ADGRL2: variants seen among roughly 807,000 people sequenced by gnomAD.
ADGRL2 encodes calcium-independent alpha-latrotoxin receptor 2.
ADGRL2 carries 44 observed loss-of-function variants against 157.4 expected under a neutral mutation model. The ratio of observed to expected loss-of-function variants is 0.28; its 90% CI spans 0.22 to 0.36. ADGRL2 has a LOEUF of 0.36. Ranked by LOEUF, ADGRL2 falls within the 10% of genes least tolerant of loss-of-function variation. The pLI is 1.00. For missense variants in ADGRL2, 1,510 were observed against 1,768.9 expected (o/e 0.85, Z 2.63); for synonymous variants, 585 against 624.7 (o/e 0.94, Z 0.95).
At chr1:81,360,158 G>C (rs973328546) in intron 1 of ADGRL2, among the ~76,000 whole-genome samples, 1 of 151,924 alleles carries the variant, frequency 6.6e-6, no homozygotes, top group African/African-American at 2.4e-5. Flanking sequence ...TATTGGAAAA[G>C]CTTCCATTTT....
chr1:81,590,699 A>G (rs577733159), intron 3 of ADGRL2, among the ~76,000 whole-genome samples: 1 of 152,236 alleles, frequency 6.6e-6, no homozygotes, highest in South Asian at 2.1e-4. Flanking sequence ...TCCATAATAA[A>G]CCCATTTTTG....
At chr1:81,475,073 G>C (rs2078245149) in intron 2 of ADGRL2, among the ~76,000 whole-genome samples, 2 of 152,088 alleles carry the variant, frequency 1.3e-5, no homozygotes, top group Admixed American at 1.3e-4. Context: ...CAAGTCTTTA[G>C]CCTTCTATTT....
At chr1:81,972,639 G>A (rs1029236099) in intron 17 of ADGRL2, among the ~76,000 whole-genome samples, 1 of 152,034 alleles carries the variant, frequency 6.6e-6, no homozygotes, top group African/African-American at 2.4e-5. Context: ...GCCTGGACAT[G>A]GTGGCTCACA....
chr1:81,681,236 C>A (rs1437308432), intron 3 of ADGRL2, among the ~76,000 whole-genome samples: 1 of 152,194 alleles, frequency 6.6e-6, no homozygotes, highest in African/African-American at 2.4e-5. Flanking sequence ...AGCTTGAGAA[C>A]CTGCAGAAGG....
chr1:81,465,693 G>C (rs1393189964), intron 2 of ADGRL2, among the ~76,000 whole-genome samples: 1 of 152,134 alleles, frequency 6.6e-6, no homozygotes. Flanking sequence ...ACTGAACTTA[G>C]AGAAATGTTG....
At chr1:81,756,356 G>T (rs376002983) in intron 1 of ADGRL2, among the ~76,000 whole-genome samples, 12 of 151,930 alleles carry the variant, frequency 7.9e-5, no homozygotes, top group Non-Finnish European at 1.5e-4. Flanking sequence ...CACTGAATAT[G>T]CATTTTCTTA....
At chr1:81,754,638 T>C (rs1265210969) in intron 1 of ADGRL2, among the ~76,000 whole-genome samples, 1 of 149,738 alleles carries the variant, frequency 6.7e-6, no homozygotes, top group Non-Finnish European at 1.5e-5. Flanking sequence ...TTTCTTCTTT[T>C]CCTTTCCTTT....
intron 1 of ADGRL2, among the ~76,000 whole-genome samples, chr1:81,339,806 G>A (rs1276642579): frequency 6.6e-6 from 1 of 152,158 alleles, no homozygotes; most frequent in Non-Finnish European, 1.5e-5. Context: ...TACCTGGAAT[G>A]TCTTTCTTTC....
chr1:81,684,699 C>T (rs954411548), intron 3 of ADGRL2, among the ~76,000 whole-genome samples: 1 of 152,142 alleles, frequency 6.6e-6, no homozygotes, highest in African/African-American at 2.4e-5. Flanking sequence ...GTCATTAAAT[C>T]CTTGCCTAAG....
At chr1:81,315,086 A>G (rs1660013256) in intron 1 of ADGRL2, among the ~76,000 whole-genome samples, 1 of 152,198 alleles carries the variant, frequency 6.6e-6, no homozygotes, top group South Asian at 2.1e-4. Flanking sequence ...TAGATTATGC[A>G]CATCTTTAGT....
intron 3 of ADGRL2, among the ~76,000 whole-genome samples, chr1:81,595,417 C>T (rs1223497147): frequency 6.6e-6 from 1 of 152,138 alleles, no homozygotes; most frequent in African/African-American, 2.4e-5. Context: ...TTTTGCAGGA[C>T]ATAAGTTGTG....
intron 2 of ADGRL2, among the ~76,000 whole-genome samples, chr1:81,576,339 T>G (rs2080797352): frequency 6.6e-6 from 1 of 152,180 alleles, no homozygotes; most frequent in Non-Finnish European, 1.5e-5. Context: ...CTTTTCTTCT[T>G]TCTCTCTTTA....
chr1:81,338,766 A>G (rs1425886753), intron 1 of ADGRL2, among the ~76,000 whole-genome samples: 2 of 152,178 alleles, frequency 1.3e-5, no homozygotes, highest in East Asian at 3.9e-4. Flanking sequence ...AGGTAATGCC[A>G]CTGGAGTAAT....
intron 1 of ADGRL2, among the ~76,000 whole-genome samples, chr1:81,412,452 T>C (rs1189386785): frequency 6.6e-6 from 1 of 152,234 alleles, no homozygotes; most frequent in Non-Finnish European, 1.5e-5. Flanking sequence ...ACTTTAATGT[T>C]AGCTTCCCCA....
At chr1:81,787,360 C>T (rs1571221007) in intron 2 of ADGRL2, among the ~76,000 whole-genome samples, 1 of 151,970 alleles carries the variant, frequency 6.6e-6, no homozygotes, top group Non-Finnish European at 1.5e-5. Flanking sequence ...ACTAACTGAA[C>T]AAGTCACATA....
At position 81,979,960 on chromosome 1, in the gene ADGRL2, A is replaced by G. The variant is rs765173389; in HGVS notation, c.3113A>G (p.Lys1038Arg). 2 of 1,563,272 alleles carry G rather than the reference A, an allele frequency of 1.3e-6. No individual in the cohort carries two copies. The highest frequency in any genetic ancestry group is 2.2e-5 in the South Asian group (2 of 89,800). Residue 1038 changes from lysine to arginine, a missense_variant and splice_region_variant, in exon 18 of 24, where the codon AAG becomes AGG. Coordinates refer to ENST00000686636, the MANE Select transcript of ADGRL2 (RefSeq NM_001366006.2). ...KPDSSRLENI[K>R]SWVLGAFALL... ...GATTCTAGCAGGTTGGAAAACATTA[A>G]GTAAGTATTTTGTATTTTAATTTTA...
rs2077900713 is a variant in ADGRL2 at position 81,460,340 on chromosome 1, T to C, written c.-248+15251T>C. ...AGAATATTATTTTGTGTCTATTATATATCATACCACATAACTAAAGTAGAT... is the reference window on the plus strand; with the variant it reads ...AGAATATTATTTTGTGTCTATTATACATCATACCACATAACTAAAGTAGAT... On this transcript the variant is annotated intron_variant, in intron 2 of 24. Transcript: ENST00000370721. Among the ~76,000 whole-genome samples, 4 of 152,104 alleles carry C rather than the reference T, an allele frequency of 2.6e-5. No individual in the cohort carries two copies. In the South Asian group the frequency reaches 8.3e-4, roughly 31 times the overall value.
At chr1:81,462,033 G>T (rs1050985961) in intron 2 of ADGRL2, among the ~76,000 whole-genome samples, 1 of 151,988 alleles carries the variant, frequency 6.6e-6, no homozygotes, top group South Asian at 2.1e-4. Context: ...GGGACTTGGA[G>T]AACTTTTCTG....
chr1:81,445,787 G>A (rs1319952667), intron 2 of ADGRL2, among the ~76,000 whole-genome samples: 1 of 152,178 alleles, frequency 6.6e-6, no homozygotes. Flanking sequence ...GTGGCTGTGG[G>A]CTCCACATTC....
Sources: gnomAD v4.1 joint callset for allele counts (sites outside exome capture counted in the v4.1 genomes callset) on GRCh38, gnomAD v4.1.1 for gene constraint, MANE v1.5 for transcripts, NCBI Gene and HGNC (gene_info 2026-07-23, HGNC 2026-07-21) for gene names.